The following TMPRSS11D variants were observed in gnomAD, a reference collection of about 807,000 sequenced individuals.
TMPRSS11D encodes the protein transmembrane protease serine 11D.
In TMPRSS11D, 32 loss-of-function variants were observed where a neutral mutation model predicts 44.4. The observed-to-expected ratio is 0.72, with a 90% confidence interval of 0.54 to 0.97. TMPRSS11D has a LOEUF of 0.97. TMPRSS11D is among the 50% of genes least tolerant of loss of function. TMPRSS11D has a pLI of 0.00. For missense variants in TMPRSS11D, 446 were observed against 502.6 expected (o/e 0.89, Z 1.08); for synonymous variants, 179 against 177.9 (o/e 1.01, Z -0.05).
chr4:67,827,459 T>C lies in TMPRSS11D; in HGVS notation c.754A>G (p.Arg252Gly). ...ATTAAAATATTTCTTACTCTCATTC[T>C]TAGTTTAGGAAATGTTGTGGAAATA... Reference protein sequence around the residue: ...SGISTTFPKLRMRVRNILIHN... With the variant: ...SGISTTFPKLGMRVRNILIHN... The change falls in exon 8 of 10, where the codon AGA (arginine) becomes GGA (glycine). Residue 252 changes from arginine (R) to glycine (G), a missense_variant. By Grantham distance (125) the Arg-to-Gly change is moderately radical. Transcript: ENST00000283916. 1.2e-6 allele frequency: 2 copies of C among 1,612,500 alleles called. No individual in the cohort carries two copies. The highest frequency in any genetic ancestry group is 1.7e-6 in the Non-Finnish European group (2 of 1,179,212).
intron 3 of TMPRSS11D, among the ~76,000 whole-genome samples, chr4:67,845,366 G>T (rs1718334616): frequency 6.6e-6 from 1 of 152,070 alleles, no homozygotes; most frequent in Non-Finnish European, 1.5e-5. Flanking sequence ...TAGTGATAAG[G>T]GCAGTAGATG....
intron 1 of TMPRSS11D, among the ~76,000 whole-genome samples, chr4:67,882,238 T>G (rs956572006): frequency 6.6e-6 from 1 of 152,188 alleles, no homozygotes; most frequent in Non-Finnish European, 1.5e-5. Context: ...TACCTGAAGA[T>G]TTATCTAAAA....
chr4:67,826,715 G>C (rs1373630764), intron 8 of TMPRSS11D, among the ~76,000 whole-genome samples: 2 of 151,136 alleles, frequency 1.3e-5, no homozygotes, highest in Non-Finnish European at 2.9e-5. Flanking sequence ...CTTGAGGGCA[G>C]GAATTCCAGA....
At chr4:67,843,536 A>G (rs549057161) in intron 3 of TMPRSS11D, among the ~76,000 whole-genome samples, 1 of 152,310 alleles carries the variant, frequency 6.6e-6, no homozygotes, top group East Asian at 1.9e-4. Context: ...TGTACCCATA[A>G]TAATTAAAAA....
At position 67,822,192 on chromosome 4, in the gene TMPRSS11D, A is replaced by G. The variant is rs1291972365; in HGVS notation, c.*145T>C. On this transcript the variant is annotated 3_prime_UTR_variant, in exon 10 of 10. Coordinates refer to ENST00000283916, the MANE Select transcript of TMPRSS11D (RefSeq NM_004262.3). ...AAACCTTTAATAATAAAGAAAGGTT[A>G]AACAGTGTTTGTTAAACCATATTTA... 1 of 914,786 alleles carries G rather than the reference A, an allele frequency of 1.1e-6. No homozygotes were observed. The highest frequency in any genetic ancestry group is 2.4e-5 in the East Asian group (1 of 41,336). 56.7% of individuals were successfully genotyped at this position (914,786 alleles called of 1,614,324 possible). A position where few individuals can be genotyped will look rare whatever the true frequency, so the allele number is the denominator to read the frequency against.
intron 5 of TMPRSS11D, among the ~76,000 whole-genome samples, chr4:67,835,568 C>T (rs566130686): frequency 2.2e-4 from 33 of 151,884 alleles, no homozygotes; most frequent in Non-Finnish European, 3.5e-4. Flanking sequence ...GATTTAACTG[C>T]GAGCAAAATA....
chr4:67,874,427 C>T (rs1719135136), intron 1 of TMPRSS11D, among the ~76,000 whole-genome samples: 1 of 152,152 alleles, frequency 6.6e-6, no homozygotes, highest in Non-Finnish European at 1.5e-5. Flanking sequence ...GTTATCTCTA[C>T]AAAATGTGTC....
rs189019442 is a variant in TMPRSS11D, at chr4:67,852,555, C to T, written c.249+1513G>A. Among the ~76,000 whole-genome samples, 193 of 152,244 alleles carry T rather than the reference C, an allele frequency of 1.3e-3. 1 individual carries two copies. The highest frequency in any genetic ancestry group is 3.7e-3 in the Admixed American group (57 of 15,282). On this transcript the variant is annotated intron_variant, in intron 3 of 9. Transcript: ENST00000283916. ...GACTGAATCATAAGCTTATTTAATACATTTTTTTCTCTAGAAGCAAGCATC... is the reference window on the plus strand; with the variant it reads ...GACTGAATCATAAGCTTATTTAATATATTTTTTTCTCTAGAAGCAAGCATC...
At chr4:67,845,671 T>G (rs1483640063) in intron 3 of TMPRSS11D, among the ~76,000 whole-genome samples, 1 of 152,150 alleles carries the variant, frequency 6.6e-6, no homozygotes, top group East Asian at 1.9e-4. Flanking sequence ...TTTCATTACA[T>G]TGGACAAAAA....
At chr4:67,866,983 C>A (rs1718939747) in intron 1 of TMPRSS11D, among the ~76,000 whole-genome samples, 1 of 150,886 alleles carries the variant, frequency 6.6e-6, no homozygotes, top group African/African-American at 2.5e-5. Flanking sequence ...AAAAAAAATC[C>A]TAAAATTCAT....
intron 3 of TMPRSS11D, among the ~76,000 whole-genome samples, chr4:67,844,259 G>T (rs1328318916): frequency 6.6e-6 from 1 of 152,130 alleles, no homozygotes; most frequent in Non-Finnish European, 1.5e-5. Flanking sequence ...TAAAATTTAT[G>T]CAATCTCGAT....
At chr4:67,841,270 G>A (rs1256245394) in intron 4 of TMPRSS11D, among the ~76,000 whole-genome samples, 1 of 152,080 alleles carries the variant, frequency 6.6e-6, no homozygotes, top group Non-Finnish European at 1.5e-5. Flanking sequence ...AAGATGAGAG[G>A]CCTAGAGCAC....
chr4:67,822,129 A>G lies in TMPRSS11D; in HGVS notation c.*208T>C, dbSNP rs1455327579. The G allele has an allele frequency of 4.3e-5, 24 of 560,284 alleles. No individual in the cohort carries two copies. Among genetic ancestry groups the G allele is most frequent in the Non-Finnish European group, 4.4e-5 (14 of 320,618 alleles). The allele number at this position is 560,284 out of a possible 1,614,324, so 34.7% of individuals were successfully genotyped here. ...GTTTCTTCTGTTACACAGCCACAGT[A>G]CTATGCAACATTCATATAGTTCTCT... On this transcript the variant is annotated 3_prime_UTR_variant, in exon 10 of 10. Coordinates refer to ENST00000283916, the MANE Select transcript of TMPRSS11D (RefSeq NM_004262.3).
intron 1 of TMPRSS11D, among the ~76,000 whole-genome samples, chr4:67,877,158 A>C (rs981085015): frequency 1.3e-5 from 2 of 151,822 alleles, no homozygotes; most frequent in Non-Finnish European, 1.5e-5. Context: ...AATTAAAAAA[A>C]TTTTTTTTTA....
intron 3 of TMPRSS11D, among the ~76,000 whole-genome samples, chr4:67,851,491 T>A (rs1718508131): frequency 6.6e-6 from 1 of 152,176 alleles, no homozygotes; most frequent in African/African-American, 2.4e-5. Flanking sequence ...TTTGCTGTCC[T>A]CCACTGAGGG....
At position 67,847,523 on chromosome 4, in the gene TMPRSS11D, T is replaced by C. The variant is rs149777258; in HGVS notation, c.250-4898A>G. On this transcript the variant is annotated intron_variant, in intron 3 of 9. Transcript: ENST00000283916. ...TAGATAATATAATCTTTCAATCTAG[T>C]TGTAAACTGCTCATCACTGAAATCT... Among the ~76,000 whole-genome samples the C allele has an allele frequency of 5.8e-3, 889 of 152,268 alleles. 9 individuals carry two copies. Among genetic ancestry groups the C allele is most frequent in the South Asian group, 0.017 (83 of 4,826 alleles).
At position 67,833,260 on chromosome 4, in the gene TMPRSS11D, AC is replaced by A; in HGVS notation, c.635del (p.Cys212LeufsTer5). 1 of 1,587,668 alleles carries A rather than the reference AC, an allele frequency of 6.3e-7. No homozygotes were observed. Reference protein sequence around the residue: ...VSLRLNNAHHCGGSLINNMWI... With the variant: ...VSLRLNNAHHXGGSLINNMWI... ...ACATGTTATTGATCAGGCTGCCTCCACAGTGGTGGGCATTATTGAGCCGCAG... is the reference window on the plus strand; with the variant it reads ...ACATGTTATTGATCAGGCTGCCTCCAAGTGGTGGGCATTATTGAGCCGCAG... On this transcript the variant is annotated frameshift_variant, in exon 7 of 10. Coordinates refer to ENST00000283916, the MANE Select transcript of TMPRSS11D (RefSeq NM_004262.3). LOFTEE classifies it high-confidence loss of function.
At chr4:67,853,802 A>G (rs966612671) in intron 3 of TMPRSS11D, among the ~76,000 whole-genome samples, 3 of 152,208 alleles carry the variant, frequency 2.0e-5, no homozygotes, top group African/African-American at 7.2e-5. Context: ...ACAAATAAAA[A>G]ACTTTTAGTA....
At chr4:67,832,325 T>G (rs770521163) in intron 7 of TMPRSS11D, among the ~76,000 whole-genome samples, 1 of 152,110 alleles carries the variant, frequency 6.6e-6, no homozygotes, top group Non-Finnish European at 1.5e-5. Flanking sequence ...CTTTTTGAGT[T>G]AAGTTCCCAA....
Sources: allele counts gnomAD v4.1 joint callset (sites outside exome capture counted in the v4.1 genomes callset), GRCh38; gene constraint gnomAD v4.1.1; transcripts MANE v1.5; gene names NCBI Gene and HGNC (gene_info 2026-07-23, HGNC 2026-07-21).